Variants in DCC observed in about 807,000 individuals in gnomAD.
DCC encodes DCC netrin 1 receptor, also known as netrin receptor DCC.
In DCC, 58 loss-of-function variants were observed where a neutral mutation model predicts 172.5. That is an observed-to-expected ratio of 0.34 (90% confidence interval 0.27 to 0.42). The LOEUF is 0.42. Ranked by LOEUF, DCC falls within the 10% of genes least tolerant of loss-of-function variation. The pLI is 1.00. For missense variants in DCC, 1,740 were observed against 1,791.0 expected (o/e 0.97, Z 0.51); for synonymous variants, 709 against 644.5 (o/e 1.10, Z -1.52).
chr18:52,606,579 G>T (rs1350403279), intron 1 of DCC, among the ~76,000 whole-genome samples: 1 of 152,128 alleles, frequency 6.6e-6, no homozygotes, highest in Non-Finnish European at 1.5e-5. Context: ...ATTCTCAGAA[G>T]ATAAAGATCG....
chr18:52,954,977 A>G (rs1278603431), intron 5 of DCC, among the ~76,000 whole-genome samples: 1 of 152,152 alleles, frequency 6.6e-6, no homozygotes. Context: ...ATTTTCATAC[A>G]TGCACATCCT....
chr18:53,420,390 A>T (rs890500995), intron 21 of DCC, among the ~76,000 whole-genome samples: 3 of 152,130 alleles, frequency 2.0e-5, no homozygotes, highest in Admixed American at 1.3e-4. Context: ...TGATTACATG[A>T]TCCTGACACT....
At chr18:53,498,510 C>T (rs985592095) in intron 26 of DCC, among the ~76,000 whole-genome samples, 3 of 139,970 alleles carry the variant, frequency 2.1e-5, no homozygotes, top group African/African-American at 8.0e-5. Context: ...GTGTCATTAA[C>T]AAGGAAAACT....
At chr18:52,484,383 C>T (rs766702673) in intron 1 of DCC, among the ~76,000 whole-genome samples, 13 of 151,994 alleles carry the variant, frequency 8.6e-5, no homozygotes, top group Non-Finnish European at 1.5e-4. Flanking sequence ...AAGGGAGAGG[C>T]GGAAACTGTG....
intron 1 of DCC, among the ~76,000 whole-genome samples, chr18:52,453,428 C>A (rs1462463707): frequency 1.3e-5 from 2 of 152,144 alleles, no homozygotes; most frequent in African/African-American, 4.8e-5. Flanking sequence ...ACGCAGGTTG[C>A]CCCTGTACCA....
At chr18:53,522,498 A>T (rs1223790634) in intron 27 of DCC, among the ~76,000 whole-genome samples, 1 of 152,180 alleles carries the variant, frequency 6.6e-6, no homozygotes, top group Non-Finnish European at 1.5e-5. Context: ...TGAAAGCATC[A>T]TGCTACCTGA....
chr18:52,780,234 A>G (rs1335966671), intron 2 of DCC, among the ~76,000 whole-genome samples: 2 of 152,140 alleles, frequency 1.3e-5, no homozygotes, highest in Non-Finnish European at 2.9e-5. Flanking sequence ...GTAGTTATAC[A>G]AATTGACACA....
chr18:53,139,362 T>C (rs1414333061), intron 7 of DCC, among the ~76,000 whole-genome samples: 2 of 152,092 alleles, frequency 1.3e-5, no homozygotes, highest in African/African-American at 2.4e-5. Context: ...GAAATGGTAA[T>C]TTATGTTGTG....
chr18:52,841,913 A>G (rs984332561), intron 2 of DCC, among the ~76,000 whole-genome samples: 1 of 152,152 alleles, frequency 6.6e-6, no homozygotes, highest in African/African-American at 2.4e-5. Context: ...TGTTAATACT[A>G]TAACTGACAA....
intron 12 of DCC, among the ~76,000 whole-genome samples, chr18:53,282,911 G>A (rs905789687): frequency 1.3e-5 from 2 of 152,086 alleles, no homozygotes; most frequent in Admixed American, 6.6e-5. Flanking sequence ...AAAGAAAATC[G>A]ATGTGTGCAG....
chr18:52,937,520 T>A (rs1211030288), intron 5 of DCC, among the ~76,000 whole-genome samples: 2 of 152,172 alleles, frequency 1.3e-5, no homozygotes, highest in Non-Finnish European at 2.9e-5. Context: ...TGATTGTGAC[T>A]TTATTTGGTG....
intron 5 of DCC, among the ~76,000 whole-genome samples, chr18:53,005,246 A>G (rs2041626851): frequency 6.6e-6 from 1 of 152,210 alleles, no homozygotes; most frequent in African/African-American, 2.4e-5. Context: ...TAATTGAAGC[A>G]GTTATCTATT....
chr18:52,967,484 A>G (rs1278850563), intron 5 of DCC, among the ~76,000 whole-genome samples: 1 of 152,186 alleles, frequency 6.6e-6, no homozygotes, highest in East Asian at 1.9e-4. Flanking sequence ...CAAGTGGGTC[A>G]TTTTATTTCT....
chr18:52,915,778 AAAG>A (rs1186914046), intron 3 of DCC, among the ~76,000 whole-genome samples: 1 of 152,138 alleles, frequency 6.6e-6, no homozygotes, highest in African/African-American at 2.4e-5. Context: ...AAAGAGGGAA[AAAG>A]AAGAAATATA....
chr18:53,016,356 A>C (rs1212512449), intron 5 of DCC, among the ~76,000 whole-genome samples: 1 of 150,188 alleles, frequency 6.7e-6, no homozygotes, highest in Non-Finnish European at 1.5e-5. Context: ...AAACACAGCA[A>C]AATAGCAAAA....
chr18:53,090,612 T>A (rs2042988771), intron 7 of DCC, among the ~76,000 whole-genome samples: 1 of 141,128 alleles, frequency 7.1e-6, no homozygotes, highest in Non-Finnish European at 1.5e-5. Context: ...GAGAATGGCA[T>A]GAACCCGGGA....
chr18:53,206,744 C>A (rs1360868538), intron 10 of DCC, among the ~76,000 whole-genome samples: 3 of 149,694 alleles, frequency 2.0e-5, no homozygotes, highest in Non-Finnish European at 4.4e-5. Context: ...TATATACAGA[C>A]ATGTATATAT....
intron 1 of DCC, among the ~76,000 whole-genome samples, chr18:52,726,092 A>G (rs971850946): frequency 1.3e-5 from 2 of 152,232 alleles, no homozygotes; most frequent in Non-Finnish European, 2.9e-5. Flanking sequence ...AATATTGACC[A>G]TGATGAATGA....
chr18:53,264,865 G>A (rs890433279), intron 12 of DCC, among the ~76,000 whole-genome samples: 1 of 152,070 alleles, frequency 6.6e-6, no homozygotes, highest in East Asian at 1.9e-4. Context: ...GAAAACAAAT[G>A]TAGCTACTTT....
Sources: allele counts gnomAD v4.1 joint callset (sites outside exome capture counted in the v4.1 genomes callset), GRCh38; gene constraint gnomAD v4.1.1; transcripts MANE v1.5; gene names NCBI Gene and HGNC (gene_info 2026-07-23, HGNC 2026-07-21).